CCDC68: variants seen among roughly 807,000 people sequenced by gnomAD.
CCDC68 encodes coiled-coil domain containing 68.
A neutral mutation model predicts 47.1 loss-of-function variants in CCDC68; 45 were observed. The ratio of observed to expected loss-of-function variants is 0.96; its 90% CI spans 0.75 to 1.23. The LOEUF (loss-of-function observed/expected upper bound fraction) is 1.23. Ranked by LOEUF, CCDC68 falls within the 50% of genes most tolerant of loss-of-function variation. CCDC68 has a pLI of 0.00. For missense variants in CCDC68, 353 were observed against 373.6 expected, an observed-to-expected ratio of 0.94 and a Z score of 0.45; for synonymous variants, 131 against 129.5, an observed-to-expected ratio of 1.01 and a Z score of -0.08.
intron 4 of CCDC68, among the ~76,000 whole-genome samples, chr18:54,939,650 C>T (rs2044404452): frequency 6.6e-6 from 1 of 152,116 alleles, no homozygotes; most frequent in South Asian, 2.1e-4. Context: ...GTCACCATTC[C>T]TAAGAAGCTC....
chr18:54,928,684 A>C (rs769883330), intron 8 of CCDC68, 116 bp downstream of exon 8: 2 of 672,976 alleles, frequency 3.0e-6, no homozygotes, highest in Middle Eastern at 2.5e-4. Flanking sequence ...TTCCTCCTGC[A>C]CTGTCAGTCA....
intron 1 of CCDC68, among the ~76,000 whole-genome samples, chr18:54,952,810 C>G (rs577901547): frequency 1.3e-5 from 2 of 152,086 alleles, no homozygotes; most frequent in Admixed American, 1.3e-4. Flanking sequence ...GTCAGGAGAT[C>G]GAGAGCAGAC....
At chr18:54,908,006 C>A in intron 10 of CCDC68, 144 bp from the exon 11 acceptor site, 1 of 594,520 alleles carries the variant, frequency 1.7e-6, no homozygotes, top group Admixed American at 2.8e-5. Context: ...CAGAAAATAG[C>A]CAGTTGAAAG....
At chr18:54,930,271 C>T (rs1477519003) in intron 7 of CCDC68, among the ~76,000 whole-genome samples, 1 of 152,030 alleles carries the variant, frequency 6.6e-6, no homozygotes, top group African/African-American at 2.4e-5. Context: ...CAACATTTGA[C>T]TTGTATTCAT....
intron 8 of CCDC68, among the ~76,000 whole-genome samples, chr18:54,925,628 TC>T (rs2145467486): frequency 6.6e-6 from 1 of 152,244 alleles, no homozygotes; most frequent in South Asian, 2.1e-4. Context: ...TACATAGAAA[TC>T]CCACAGGATA....
chr18:54,931,842 C>A (rs185088596), intron 7 of CCDC68, among the ~76,000 whole-genome samples: 1 of 152,136 alleles, frequency 6.6e-6, no homozygotes, highest in African/African-American at 2.4e-5. Flanking sequence ...CATTACCAGA[C>A]CTCATACTAC....
At chr18:54,908,464 A>T (rs1914142415) in intron 10 of CCDC68, among the ~76,000 whole-genome samples, 2 of 152,220 alleles carry the variant, frequency 1.3e-5, no homozygotes, top group Non-Finnish European at 2.9e-5. Context: ...TAATTCTGGG[A>T]GTTCATGCAA....
intron 4 of CCDC68, 65 bp from the exon 5 acceptor site, chr18:54,938,162 A>T (rs2044380945): frequency 6.6e-7 from 1 of 1,508,458 alleles, no homozygotes; most frequent in Non-Finnish European, 8.9e-7. Context: ...TGACAACAAT[A>T]ATGATCATTT....
At position 54,942,815 on chromosome 18, in the gene CCDC68, C is replaced by T. The variant is rs777395378; in HGVS notation, c.-12-12G>A. ...ATTGTGAATTCTGGCTTTAGGAAAACATAAATCAGCTAAGCAAAACAGACT... is the reference window on the plus strand; with the variant it reads ...ATTGTGAATTCTGGCTTTAGGAAAATATAAATCAGCTAAGCAAAACAGACT... On this transcript the variant is annotated splice_polypyrimidine_tract_variant and intron_variant, in intron 2 of 11. Transcript: ENST00000591504. 4 of 1,382,670 alleles carry T rather than the reference C, an allele frequency of 2.9e-6. No individual in the cohort carries two copies. In the Admixed American group the frequency reaches 5.1e-5, roughly 18 times the overall value. The allele number at this position is 1,382,670 out of a possible 1,614,324, so 85.7% of individuals were successfully genotyped here.
chr18:54,909,965 A>G (rs1459506343), intron 10 of CCDC68, among the ~76,000 whole-genome samples: 1 of 152,250 alleles, frequency 6.6e-6, no homozygotes, highest in Non-Finnish European at 1.5e-5. Flanking sequence ...TTTGTGTTAC[A>G]GCTCTTTTAG....
chr18:54,907,740 T>C (rs1431422911), intron 11 of CCDC68, 46 bp downstream of exon 11: 1 of 1,057,014 alleles, frequency 9.5e-7, no homozygotes, highest in Non-Finnish European at 1.5e-6. Flanking sequence ...TCTAACATGT[T>C]CAACATAGGT....
At chr18:54,936,389 A>G (rs2044350406) in intron 6 of CCDC68, among the ~76,000 whole-genome samples, 1 of 151,486 alleles carries the variant, frequency 6.6e-6, no homozygotes, top group Admixed American at 6.6e-5. Flanking sequence ...CGAAGTATCT[A>G]TCCTAAGACC....
At chr18:54,948,532 C>G (rs2044563148) in intron 1 of CCDC68, among the ~76,000 whole-genome samples, 1 of 152,112 alleles carries the variant, frequency 6.6e-6, no homozygotes, top group Non-Finnish European at 1.5e-5. Context: ...TAGAGCAACC[C>G]TAGAAAAGGA....
At chr18:54,906,653 T>C (rs1599018312) in intron 11 of CCDC68, among the ~76,000 whole-genome samples, 1 of 152,326 alleles carries the variant, frequency 6.6e-6, no homozygotes, top group East Asian at 1.9e-4. Context: ...ATGTCACGCT[T>C]GCCCTCCTAG....
At chr18:54,916,164 C>A (rs148878678) in intron 10 of CCDC68, among the ~76,000 whole-genome samples, 2 of 152,112 alleles carry the variant, frequency 1.3e-5, no homozygotes, top group Non-Finnish European at 2.9e-5. Context: ...TAGTTTTGAG[C>A]CAATTATTCC....
chr18:54,930,879 C>T (rs1369252239), intron 7 of CCDC68, among the ~76,000 whole-genome samples: 4 of 151,196 alleles, frequency 2.6e-5, no homozygotes, highest in Non-Finnish European at 4.4e-5. Context: ...CCACCACGCC[C>T]GGCTAATTTT....
rs1202084808 is a variant in CCDC68 at position 54,938,031 on chromosome 18, G to A, written c.271C>T (p.Leu91Phe). 1 of 1,613,566 alleles carries A rather than the reference G, an allele frequency of 6.2e-7. No homozygotes were observed. The highest frequency in any genetic ancestry group is 2.2e-5 in the East Asian group (1 of 44,818). The change falls in exon 5 of 12, where the codon CTT becomes TTT. Residue 91 changes from leucine to phenylalanine, a missense_variant. Leu to Phe is a conservative substitution (Grantham distance 22). Coordinates refer to ENST00000591504, the MANE Select transcript of CCDC68 (RefSeq NM_025214.3). ...TCTTTTCCTTTTATCTTTTTCATAA[G>A]CAAATCCAAACTGCAACAAGAAGGA... ...MDPSCCSLDL[L>F]MKKIKGKDLQ...
Position 54,904,184 on chromosome 18 carries a change from A to G in CCDC68, c.*174T>C, listed in dbSNP as rs1284315161. On this transcript the variant is annotated 3_prime_UTR_variant, in exon 12 of 12. Transcript: ENST00000591504. The stretch of plus-strand genomic sequence containing the variant: ...GTAAGTTTTGAAGAGTCCATCCATT[A>G]AATATAGATTTGTTTGATTTTCTGA... The G allele has an allele frequency of 3.7e-6, 2 of 538,112 alleles. No individual in the cohort carries two copies. The highest frequency in any genetic ancestry group is 7.4e-5 in the Admixed American group (2 of 27,182). 33.3% of individuals were successfully genotyped at this position (538,112 alleles called of 1,614,324 possible).
At chr18:54,911,034 C>T (rs1180869150) in intron 10 of CCDC68, among the ~76,000 whole-genome samples, 2 of 152,220 alleles carry the variant, frequency 1.3e-5, no homozygotes, top group African/African-American at 2.4e-5. Flanking sequence ...ATGGAGAATG[C>T]AGCCCTTGCC....
Sources: gnomAD v4.1 joint callset for allele counts (sites outside exome capture counted in the v4.1 genomes callset) on GRCh38, gnomAD v4.1.1 for gene constraint, MANE v1.5 for transcripts, NCBI Gene and HGNC (gene_info 2026-07-23, HGNC 2026-07-21) for gene names.